The following KDM6A variants were observed in gnomAD, a reference collection of about 807,000 sequenced individuals.
KDM6A encodes the protein lysine-specific demethylase 6A.
A neutral mutation model predicts 117.6 loss-of-function variants in KDM6A; 11 were observed. The observed-to-expected ratio is 0.09, with a 90% CI of 0.06 to 0.15. The LOEUF (loss-of-function observed/expected upper bound fraction) is 0.15. Ranked by LOEUF, KDM6A falls within the 10% of genes least tolerant of loss-of-function variation. The pLI, the probability that KDM6A is intolerant of heterozygous loss-of-function variation, is 1.00. For missense variants in KDM6A, 799 were observed against 1,077.3 expected (o/e 0.74, Z 3.62); for synonymous variants, 384 against 396.1 (o/e 0.97, Z 0.36).
At chrX:45,020,757 C>T (rs1432587267) in intron 6 of KDM6A, 27 bp downstream of exon 6, 2 of 1,199,806 alleles carry the variant, frequency 1.7e-6, no homozygotes. Flanking sequence ...TTTCAAGATA[C>T]AATGTTTAAT....
intron 3 of KDM6A, among the ~76,000 whole-genome samples, chrX:44,967,247 C>T (rs1423374914): frequency 1.8e-5 from 2 of 111,294 alleles, no homozygotes; most frequent in Non-Finnish European, 3.8e-5. Context: ...ATAGCCCTCT[C>T]CCTTCCTCTC....
rs1014300250 is a variant in KDM6A at position 44,967,925 on chromosome X, A to G, written c.334+6533A>G. Among the ~76,000 whole-genome samples the G allele has an allele frequency of 2.7e-5, 3 of 112,732 alleles. No individual in the cohort carries two copies. The Admixed American group carries it at 2.8e-4, about 11-fold the overall frequency. ...CACTTTATTTGGTCATTTTACTTGT[A>G]GGAATTTATTTTAAGTCTTAAAATA... On this transcript the variant is annotated intron_variant, in intron 3 of 29. Coordinates refer to ENST00000611820, the MANE Select transcript of KDM6A (RefSeq NM_001291415.2).
chrX:45,052,931 G>A (rs902538849), intron 9 of KDM6A, among the ~76,000 whole-genome samples: 1 of 111,179 alleles, frequency 9.0e-6, no homozygotes, highest in Non-Finnish European at 1.9e-5. Flanking sequence ...CTGGCATCAA[G>A]CGATCCTTCT....
At position 44,892,002 on chromosome X, in the gene KDM6A, T is replaced by C. The variant is rs752222439; in HGVS notation, c.225+18015T>C. On this transcript the variant is annotated intron_variant, in intron 2 of 29. Transcript: ENST00000611820. ...TAAGAACATAAAGTACATTGATTTGTTTATTATGGCTAGCAGATATTTAAG... is the reference window on the plus strand; with the variant it reads ...TAAGAACATAAAGTACATTGATTTGCTTATTATGGCTAGCAGATATTTAAG... Among the ~76,000 whole-genome samples the C allele has an allele frequency of 9.8e-5, 11 of 112,584 alleles. No individual in the cohort carries two copies. The South Asian group carries it at 4.0e-3, about 41-fold the overall frequency.
At chrX:45,052,067 T>A (rs1181290150) in intron 9 of KDM6A, among the ~76,000 whole-genome samples, 2 of 112,302 alleles carry the variant, frequency 1.8e-5, no homozygotes, top group African/African-American at 6.5e-5. Flanking sequence ...ATACTTCGTT[T>A]GTGCCAGATA....
chrX:45,015,544 T>C (rs2041928056), intron 5 of KDM6A, among the ~76,000 whole-genome samples: 1 of 111,544 alleles, frequency 9.0e-6, no homozygotes, highest in South Asian at 3.8e-4. Flanking sequence ...GTGGTTTTAA[T>C]GATGTTCTTA....
At chrX:45,016,897 A>AAAAAG (rs2041992484) in intron 5 of KDM6A, among the ~76,000 whole-genome samples, 5 of 111,925 alleles carry the variant, frequency 4.5e-5, no homozygotes, top group African/African-American at 1.6e-4. Flanking sequence ...GGCTTTAAAA[A>AAAAAG]TGACTTTGTG....
rs926500993 is a variant in KDM6A at position 45,060,782 on chromosome X, A to G, written c.1485+18A>G. The G allele has an allele frequency of 3.9e-6, 4 of 1,019,825 alleles. No homozygotes were observed. In the African/African-American group the frequency reaches 7.7e-5, roughly 20 times the overall value. 84.0% of individuals were successfully genotyped at this position (1,019,825 alleles called of 1,213,427 possible). A position where few individuals can be genotyped will look rare whatever the true frequency, so the allele number is the denominator to read the frequency against. On this transcript the variant is annotated intron_variant, in intron 14 of 29. Transcript: ENST00000611820. ...CAACAAAGGTATATGTTTTAGAGAAATAGAAAATCCCAGTCAAAAAAGAAG... is the reference window on the plus strand; with the variant it reads ...CAACAAAGGTATATGTTTTAGAGAAGTAGAAAATCCCAGTCAAAAAAGAAG...
intron 2 of KDM6A, among the ~76,000 whole-genome samples, chrX:44,933,824 T>G (rs1318073843): frequency 9.1e-6 from 1 of 110,260 alleles, no homozygotes; most frequent in Non-Finnish European, 1.9e-5. Flanking sequence ...GTGATCCGCC[T>G]ACCTCTGCCT....
chrX:44,949,119 G>A (rs1456981458), intron 2 of KDM6A, among the ~76,000 whole-genome samples: 2 of 111,710 alleles, frequency 1.8e-5, no homozygotes, highest in Non-Finnish European at 1.9e-5. Flanking sequence ...GGCCGGGTGC[G>A]GTGGCTCAGT....
At chrX:45,023,715 G>A (rs1349169528) in intron 6 of KDM6A, among the ~76,000 whole-genome samples, 4 of 111,208 alleles carry the variant, frequency 3.6e-5, no homozygotes, top group African/African-American at 1.3e-4. Context: ...CTTTAGTGGT[G>A]ATTTCTGTGA....
chrX:44,918,649 G>A (rs1326809122), intron 2 of KDM6A, among the ~76,000 whole-genome samples: 2 of 111,813 alleles, frequency 1.8e-5, no homozygotes, highest in African/African-American at 3.3e-5. Flanking sequence ...TTATATAAGT[G>A]AAATCTCATT....
At chrX:45,065,637 A>G (rs1602835563) in intron 17 of KDM6A, among the ~76,000 whole-genome samples, 2 of 111,878 alleles carry the variant, frequency 1.8e-5, no homozygotes, top group Non-Finnish European at 3.8e-5. Flanking sequence ...ATTAGTTGAT[A>G]TAGAGTGATG....
At chrX:44,932,446 C>T (rs763594024) in intron 2 of KDM6A, among the ~76,000 whole-genome samples, 22 of 110,999 alleles carry the variant, frequency 2.0e-4, no homozygotes, top group African/African-American at 6.6e-4. Flanking sequence ...ATTTGTGTTC[C>T]AATGATATTT....
intron 2 of KDM6A, among the ~76,000 whole-genome samples, chrX:44,951,070 C>T (rs1191242406): frequency 9.0e-6 from 1 of 110,890 alleles, no homozygotes; most frequent in Non-Finnish European, 1.9e-5. Context: ...GATTGTATGA[C>T]CCGACCCCGG....
Position 44,947,351 on chromosome X carries a change from GT to G in KDM6A, c.226-13932del, listed in dbSNP as rs773555320. Among the ~76,000 whole-genome samples the G allele has an allele frequency of 3.7e-5, 4 of 109,540 alleles. No individual in the cohort carries two copies. In the South Asian group the frequency reaches 1.5e-3, roughly 42 times the overall value. On this transcript the variant is annotated intron_variant, in intron 2 of 29. Coordinates refer to ENST00000611820, the MANE Select transcript of KDM6A (RefSeq NM_001291415.2). ...CGTCTGAAGTTTGTGTTCTACCCAG[GT>G]CAGATGAATTCAGGCTTATGGTTGT... is the stretch of plus-strand genomic sequence containing the variant.
intron 2 of KDM6A, among the ~76,000 whole-genome samples, chrX:44,945,942 G>C (rs1466437677): frequency 5.4e-5 from 6 of 112,047 alleles, no homozygotes; most frequent in Non-Finnish European, 1.1e-4. Context: ...TGATAGACTG[G>C]AGCAGGGCTA....
intron 6 of KDM6A, among the ~76,000 whole-genome samples, chrX:45,026,864 T>C (rs1372923971): frequency 2.7e-5 from 3 of 110,631 alleles, no homozygotes; most frequent in African/African-American, 6.6e-5. Flanking sequence ...CTGTGAACTT[T>C]CTGTATTTTA....
intron 2 of KDM6A, among the ~76,000 whole-genome samples, chrX:44,930,329 G>A (rs1008485778): frequency 9.0e-6 from 1 of 111,092 alleles, no homozygotes; most frequent in African/African-American, 3.3e-5. Context: ...CTGATGTATT[G>A]TGCTTTTGTG....
Sources: gnomAD v4.1 joint callset for allele counts (sites outside exome capture counted in the v4.1 genomes callset) on GRCh38, gnomAD v4.1.1 for gene constraint, MANE v1.5 for transcripts, NCBI Gene and HGNC (gene_info 2026-07-23, HGNC 2026-07-21) for gene names.